Variants in DCDC1 observed in about 807,000 individuals in gnomAD.
DCDC1 encodes doublecortin domain containing 1.
Under a neutral mutation model 178.3 loss-of-function variants are expected in DCDC1, and 200 were observed. The ratio of observed to expected loss-of-function variants is 1.12; its 90% CI spans 1.00 to 1.26. The LOEUF (loss-of-function observed/expected upper bound fraction) is 1.26. Among genes scored for constraint, DCDC1 ranks in the 50% most tolerant of loss-of-function variants. The pLI is 0.00. For synonymous variants in DCDC1, 690 were observed against 604.8 expected (o/e 1.14, Z -2.07); for missense variants, 1,983 against 1,749.2 (o/e 1.13, Z -2.38).
chr11:30,865,836 C>A (rs181062633), intron 38 of DCDC1, among the ~76,000 whole-genome samples: 1 of 152,064 alleles, frequency 6.6e-6, no homozygotes, highest in African/African-American at 2.4e-5. Flanking sequence ...AGAGGCATGT[C>A]ATCAAGAAAG....
intron 20 of DCDC1, among the ~76,000 whole-genome samples, chr11:31,059,303 T>A (rs1380854894): frequency 3.3e-5 from 5 of 152,062 alleles, no homozygotes; most frequent in Non-Finnish European, 2.9e-5. Context: ...CAGGAATTAA[T>A]TTTTAAAATA....
At chr11:31,231,700 G>A (rs947429155) in intron 9 of DCDC1, among the ~76,000 whole-genome samples, 24 of 136,118 alleles carry the variant, frequency 1.8e-4, no homozygotes, top group African/African-American at 5.9e-4. Context: ...CTTCTTGGAG[G>A]GAACACAAAA....
At chr11:30,920,266 T>G (rs1212646502) in intron 25 of DCDC1, among the ~76,000 whole-genome samples, 3 of 152,188 alleles carry the variant, frequency 2.0e-5, no homozygotes, top group Non-Finnish European at 4.4e-5. Context: ...TTTTTCTGTC[T>G]GCAATAGGTA....
rs1443793037 is a variant in DCDC1 at position 31,110,339 on chromosome 11, G to C, written c.1508C>G (p.Thr503Ser). ...QLKVFENGKN[T>S]GEISVGISKK... The stretch of plus-strand genomic sequence containing the variant: ...ACTGATACCAACAGAGATCTCTCCA[G>C]TGTTTTTACCATTTTCAAATACCTG... Residue 503 changes from threonine to serine, a missense_variant, in exon 12 of 39, where the codon ACT becomes AGT. Transcript: ENST00000684477. 7 of 703,652 alleles carry C rather than the reference G, an allele frequency of 9.9e-6. No individual in the cohort carries two copies. The Admixed American group carries it at 1.4e-4, about 14-fold the overall frequency. The allele number at this position is 703,652 out of a possible 1,614,324, so 43.6% of individuals were successfully genotyped here. A position where few individuals can be genotyped will look rare whatever the true frequency, so the allele number is the denominator to read the frequency against.
chr11:30,962,977 C>A (rs1949198291), intron 20 of DCDC1, among the ~76,000 whole-genome samples: 4 of 152,068 alleles, frequency 2.6e-5, no homozygotes, highest in African/African-American at 9.7e-5. Flanking sequence ...TATGATGGAA[C>A]CACACTTGAT....
At chr11:31,227,763 A>G (rs1207799531) in intron 9 of DCDC1, among the ~76,000 whole-genome samples, 5 of 152,116 alleles carry the variant, frequency 3.3e-5, no homozygotes, top group Non-Finnish European at 7.4e-5. Flanking sequence ...ACAAGACAGA[A>G]TATAAAGATA....
chr11:31,026,509 G>A (rs112616659), intron 20 of DCDC1, among the ~76,000 whole-genome samples: 6 of 151,704 alleles, frequency 4.0e-5, no homozygotes, highest in Admixed American at 3.3e-4. Context: ...CTACACATGA[G>A]AGAACCTGAA....
chr11:31,089,459 C>T (rs1208629580), intron 17 of DCDC1, among the ~76,000 whole-genome samples: 1 of 152,026 alleles, frequency 6.6e-6, no homozygotes, highest in East Asian at 1.9e-4. Context: ...TTCCTTGGAT[C>T]AGTGGGTTAT....
intron 2 of DCDC1, among the ~76,000 whole-genome samples, chr11:31,333,048 T>A (rs1950082508): frequency 6.6e-6 from 1 of 152,240 alleles, no homozygotes; most frequent in South Asian, 2.1e-4. Context: ...GGACTTGCTT[T>A]GTGAATCTGG....
chr11:31,014,826 C>A (rs1231627335), intron 20 of DCDC1, among the ~76,000 whole-genome samples: 1 of 152,136 alleles, frequency 6.6e-6, no homozygotes, highest in East Asian at 1.9e-4. Flanking sequence ...TCTTAATATC[C>A]ATTTATCTTC....
At chr11:30,911,166 A>G (rs1045895588) in intron 28 of DCDC1, among the ~76,000 whole-genome samples, 161 bp downstream of exon 28, 2 of 152,216 alleles carry the variant, frequency 1.3e-5, no homozygotes, top group Admixed American at 1.3e-4. Context: ...GTACATGAAC[A>G]TGTTCAATTT....
chr11:31,117,206 C>T (rs907816027), intron 11 of DCDC1, among the ~76,000 whole-genome samples: 1 of 152,178 alleles, frequency 6.6e-6, no homozygotes, highest in Non-Finnish European at 1.5e-5. Context: ...TCTGGTACCC[C>T]TCAGAGGCCT....
intron 9 of DCDC1, among the ~76,000 whole-genome samples, chr11:31,155,732 G>C (rs989521720): frequency 6.6e-6 from 1 of 152,192 alleles, no homozygotes; most frequent in Non-Finnish European, 1.5e-5. Flanking sequence ...GGCCACACCA[G>C]TAAATGCTCC....
chr11:31,008,869 AC>A (rs1347136876), intron 20 of DCDC1, among the ~76,000 whole-genome samples: 1 of 152,310 alleles, frequency 6.6e-6, no homozygotes. Flanking sequence ...AAAATTTCAT[AC>A]CTAGTTGAAA....
intron 14 of DCDC1, among the ~76,000 whole-genome samples, chr11:31,103,271 A>G (rs563809279): frequency 7.2e-5 from 11 of 152,302 alleles, no homozygotes; most frequent in African/African-American, 2.6e-4. Flanking sequence ...TATCATCATC[A>G]GATAAGAAGT....
chr11:30,965,212 A>G (rs1381972490), intron 20 of DCDC1, among the ~76,000 whole-genome samples: 5 of 152,242 alleles, frequency 3.3e-5, no homozygotes, highest in African/African-American at 1.2e-4. Flanking sequence ...ACTCAAGAAT[A>G]GGCAGTGAAT....
chr11:31,091,011 TTTCACAG>T (rs1435919400), intron 17 of DCDC1, among the ~76,000 whole-genome samples: 3 of 152,198 alleles, frequency 2.0e-5, no homozygotes, highest in Non-Finnish European at 4.4e-5. Context: ...GTGATTATTC[TTTCACAG>T]TTCAATGTTT....
At chr11:31,322,688 C>T (rs995966045) in intron 3 of DCDC1, among the ~76,000 whole-genome samples, 2 of 152,210 alleles carry the variant, frequency 1.3e-5, no homozygotes, top group African/African-American at 4.8e-5. Flanking sequence ...GCCAAAGGAT[C>T]TAGCCAATAT....
At chr11:31,062,387 T>A (rs1278753222) in intron 20 of DCDC1, among the ~76,000 whole-genome samples, 1 of 152,118 alleles carries the variant, frequency 6.6e-6, no homozygotes, top group East Asian at 1.9e-4. Context: ...GACAAGGACT[T>A]TCCCCAAGGG....
Sources: gnomAD v4.1 joint callset for allele counts (sites outside exome capture counted in the v4.1 genomes callset) on GRCh38, gnomAD v4.1.1 for gene constraint, MANE v1.5 for transcripts, NCBI Gene and HGNC (gene_info 2026-07-23, HGNC 2026-07-21) for gene names.